Variants in ANTXR1 observed in about 807,000 individuals in gnomAD.
The protein encoded by ANTXR1 is ANTXR cell adhesion molecule 1.
In ANTXR1, 19 loss-of-function variants were observed where a neutral mutation model predicts 78.1. The ratio of observed to expected loss-of-function variants is 0.24; its 90% CI spans 0.17 to 0.36. The LOEUF (loss-of-function observed/expected upper bound fraction) is 0.36, where lower values mean the gene tolerates loss of function less well. Ranked by LOEUF, ANTXR1 falls within the 10% of genes least tolerant of loss-of-function variation. The pLI is 1.00. For synonymous variants in ANTXR1, 273 were observed against 260.5 expected (o/e 1.05, Z -0.46); for missense variants, 518 against 718.6 (o/e 0.72, Z 3.19).
intron 17 of ANTXR1, among the ~76,000 whole-genome samples, chr2:69,239,466 G>A (rs143647955): frequency 0.017 from 2,658 of 152,282 alleles, 31 homozygotes; most frequent in Non-Finnish European, 0.026. Flanking sequence ...CAGCTACTTG[G>A]GAGGCTGAGG....
intron 17 of ANTXR1, among the ~76,000 whole-genome samples, chr2:69,195,883 C>T (rs959073454): frequency 2.0e-5 from 3 of 152,066 alleles, no homozygotes; most frequent in African/African-American, 2.4e-5. Flanking sequence ...AAAACATCTC[C>T]ACTAAAATAT....
intron 9 of ANTXR1, among the ~76,000 whole-genome samples, chr2:69,094,685 C>T (rs2104293411): frequency 6.6e-6 from 1 of 152,318 alleles, no homozygotes; most frequent in South Asian, 2.1e-4. Flanking sequence ...TGGCTTTCAA[C>T]CCCAGCTCAA....
At chr2:69,068,014 C>T (rs1670453955) in intron 3 of ANTXR1, among the ~76,000 whole-genome samples, 1 of 152,170 alleles carries the variant, frequency 6.6e-6, no homozygotes, top group South Asian at 2.1e-4. Context: ...TTGTCAATGA[C>T]CAGATCTGGC....
In ANTXR1 at chr2:69,216,418, TATAC is replaced by T. The variant is rs765364683; in HGVS notation, c.1434+23011_1434+23014del. ...ATTAATACATACATACACACATGCA[TATAC>T]ATACATATACACACATACATATATG... On this transcript the variant is annotated intron_variant, in intron 17 of 17. Transcript: ENST00000303714. 2.4e-4 allele frequency among the ~76,000 whole-genome samples: 36 copies of T among 152,158 alleles called. No homozygotes were observed. In the East Asian group the frequency reaches 3.1e-3, roughly 13 times the overall value.
At chr2:69,107,849 A>G (rs1671859290) in intron 10 of ANTXR1, among the ~76,000 whole-genome samples, 1 of 106,146 alleles carries the variant, frequency 9.4e-6, no homozygotes, top group Non-Finnish European at 2.1e-5. Flanking sequence ...GAATAGGATA[A>G]GACTTCTTTA....
At chr2:69,050,605 A>G (rs1669903937) in intron 3 of ANTXR1, among the ~76,000 whole-genome samples, 1 of 152,176 alleles carries the variant, frequency 6.6e-6, no homozygotes, top group South Asian at 2.1e-4. Flanking sequence ...GATATAACTC[A>G]GAGGAAAACT....
At chr2:69,159,601 C>T (rs1673622745) in intron 13 of ANTXR1, among the ~76,000 whole-genome samples, 1 of 152,134 alleles carries the variant, frequency 6.6e-6, no homozygotes, top group African/African-American at 2.4e-5. Context: ...TAAAACACCA[C>T]ACTATTTAGG....
chr2:69,205,226 C>T (rs1414610508), intron 17 of ANTXR1, among the ~76,000 whole-genome samples: 1 of 152,124 alleles, frequency 6.6e-6, no homozygotes, highest in Non-Finnish European at 1.5e-5. Context: ...TGGCTGAGAT[C>T]CGAAGGACAA....
intron 3 of ANTXR1, among the ~76,000 whole-genome samples, chr2:69,055,495 T>A (rs1244532861): frequency 1.3e-5 from 2 of 152,156 alleles, no homozygotes; most frequent in Non-Finnish European, 2.9e-5. Flanking sequence ...GGGAACAGAT[T>A]GATTTGTGAG....
At chr2:69,032,007 T>G (rs967148912) in intron 1 of ANTXR1, among the ~76,000 whole-genome samples, 1 of 150,490 alleles carries the variant, frequency 6.6e-6, no homozygotes, top group Non-Finnish European at 1.5e-5. Context: ...CCATTATGTA[T>G]GTAAAGATAT....
At chr2:69,048,781 A>G (rs1669848411) in intron 3 of ANTXR1, among the ~76,000 whole-genome samples, 1 of 152,162 alleles carries the variant, frequency 6.6e-6, no homozygotes, top group Non-Finnish European at 1.5e-5. Context: ...TCTTGGGTGA[A>G]AATCTCCTTG....
intron 3 of ANTXR1, among the ~76,000 whole-genome samples, chr2:69,053,907 C>A (rs912627174): frequency 6.6e-6 from 1 of 152,136 alleles, no homozygotes; most frequent in South Asian, 2.1e-4. Flanking sequence ...CATTACAAAG[C>A]TACCCAGTAC....
intron 10 of ANTXR1, among the ~76,000 whole-genome samples, chr2:69,114,661 C>T (rs545724190): frequency 1.1e-4 from 17 of 152,310 alleles, no homozygotes; most frequent in Non-Finnish European, 2.5e-4. Flanking sequence ...CATGTCATGT[C>T]AGAGCCTTGG....
At chr2:69,077,223 G>C in intron 7 of ANTXR1, 185 bp from the exon 8 acceptor site, 2 of 638,046 alleles carry the variant, frequency 3.1e-6, no homozygotes, top group Non-Finnish European at 5.6e-6. Flanking sequence ...CTGCTCCAGA[G>C]AGGCCACTGG....
intron 8 of ANTXR1, among the ~76,000 whole-genome samples, chr2:69,081,398 T>C (rs1051165167): frequency 5.3e-5 from 8 of 152,246 alleles, no homozygotes; most frequent in Non-Finnish European, 1.0e-4. Context: ...TGCTCATGTT[T>C]TGATCTTTCC....
chr2:69,071,651 C>T, intron 4 of ANTXR1, 103 bp from the exon 5 acceptor site: 2 of 1,134,416 alleles, frequency 1.8e-6, no homozygotes. Context: ...GGAATCAAGA[C>T]TGAATTGGCT....
At position 69,157,802 on chromosome 2, in the gene ANTXR1, T is replaced by A. The variant is rs1031413308; in HGVS notation, c.1047+5538T>A. 2.0e-5 allele frequency among the ~76,000 whole-genome samples: 3 copies of A among 152,254 alleles called. No homozygotes were observed. The South Asian group carries it at 6.2e-4, about 32-fold the overall frequency. On this transcript the variant is annotated intron_variant, in intron 13 of 17. Coordinates refer to ENST00000303714, the MANE Select transcript of ANTXR1 (RefSeq NM_032208.3). Reference sequence around the variant, plus strand: ...TGAATTATTTCAGCAATTTCCTAACTGCTCTTTTAGTCTTTCTCACCTTCA... The same window carrying A: ...TGAATTATTTCAGCAATTTCCTAACAGCTCTTTTAGTCTTTCTCACCTTCA...
At chr2:69,228,054 A>G (rs2104517897) in intron 17 of ANTXR1, among the ~76,000 whole-genome samples, 1 of 152,354 alleles carries the variant, frequency 6.6e-6, no homozygotes, top group African/African-American at 2.4e-5. Context: ...CTGTCACAGT[A>G]TATTTTTGTG....
intron 1 of ANTXR1, among the ~76,000 whole-genome samples, chr2:69,016,583 C>G (rs1273453020): frequency 6.6e-6 from 1 of 152,140 alleles, no homozygotes; most frequent in Non-Finnish European, 1.5e-5. Flanking sequence ...ATACATAATT[C>G]TTAACATACT....
Sources: allele counts gnomAD v4.1 joint callset (sites outside exome capture counted in the v4.1 genomes callset), GRCh38; gene constraint gnomAD v4.1.1; transcripts MANE v1.5; gene names NCBI Gene and HGNC (gene_info 2026-07-23, HGNC 2026-07-21).